GRM5: variants seen among roughly 807,000 people sequenced by gnomAD.
The protein encoded by GRM5 is metabotropic glutamate receptor 5.
In GRM5, 19 loss-of-function variants were observed where a neutral mutation model predicts 83.1. The ratio of observed to expected loss-of-function variants is 0.23; its 90% confidence interval spans 0.16 to 0.34. The LOEUF is 0.34. GRM5 is among the 10% of genes least tolerant of loss of function. The pLI, the probability that GRM5 is intolerant of heterozygous loss-of-function variation, is 1.00. For synonymous variants in GRM5, 675 were observed against 633.6 expected, an observed-to-expected ratio of 1.07 and a Z score of -0.98; for missense variants, 1,160 against 1,588.3, an observed-to-expected ratio of 0.73 and a Z score of 4.58.
chr11:88,869,995 G>A (rs927022402), intron 2 of GRM5, among the ~76,000 whole-genome samples: 13 of 151,368 alleles, frequency 8.6e-5, no homozygotes, highest in Non-Finnish European at 1.5e-4. Flanking sequence ...CTTTCTAATA[G>A]AAGTAAGAAA....
chr11:88,641,220 G>T (rs1939285125), intron 4 of GRM5, among the ~76,000 whole-genome samples: 1 of 151,978 alleles, frequency 6.6e-6, no homozygotes, highest in Admixed American at 6.6e-5. Context: ...ACAATAGCTA[G>T]ATCCTGTAAG....
chr11:88,828,549 C>A (rs1334714814), intron 3 of GRM5, among the ~76,000 whole-genome samples: 1 of 151,816 alleles, frequency 6.6e-6, no homozygotes, highest in African/African-American at 2.4e-5. Context: ...AATGTTATTT[C>A]TAAATAGTAA....
chr11:88,984,236 C>T (rs567419385), intron 2 of GRM5, among the ~76,000 whole-genome samples: 13 of 152,148 alleles, frequency 8.5e-5, no homozygotes, highest in African/African-American at 1.4e-4. Flanking sequence ...ATCTTTCAAG[C>T]TTCATTCATG....
intron 3 of GRM5, among the ~76,000 whole-genome samples, chr11:88,786,719 C>T (rs1943075149): frequency 6.6e-6 from 1 of 152,066 alleles, no homozygotes; most frequent in African/African-American, 2.4e-5. Flanking sequence ...TTCCCACAGA[C>T]ACTTTTTTGA....
chr11:88,726,961 C>T (rs557867551), intron 3 of GRM5, among the ~76,000 whole-genome samples: 1 of 152,194 alleles, frequency 6.6e-6, no homozygotes, highest in Non-Finnish European at 1.5e-5. Context: ...ACCATCAATA[C>T]TATGAAGAAA....
chr11:88,647,584 T>C (rs1005109811), intron 4 of GRM5, among the ~76,000 whole-genome samples: 2 of 152,110 alleles, frequency 1.3e-5, no homozygotes, highest in Non-Finnish European at 2.9e-5. Flanking sequence ...ATTCAGGACA[T>C]AGGCATGGGC....
At chr11:88,775,930 G>T (rs570746827) in intron 3 of GRM5, among the ~76,000 whole-genome samples, 5 of 152,206 alleles carry the variant, frequency 3.3e-5, no homozygotes, top group Non-Finnish European at 7.3e-5. Flanking sequence ...ATTTCGGGTA[G>T]AGAGTTCTGT....
intron 3 of GRM5, among the ~76,000 whole-genome samples, chr11:88,693,335 T>C (rs1213203245): frequency 1.3e-5 from 2 of 152,074 alleles, no homozygotes; most frequent in African/African-American, 4.8e-5. Flanking sequence ...AGTATGGAAA[T>C]ACAAAGTAGT....
At chr11:88,825,163 C>T (rs10501691) in intron 3 of GRM5, among the ~76,000 whole-genome samples, 3,847 of 151,190 alleles carry the variant, frequency 0.025, 173 homozygotes, top group African/African-American at 0.089. Context: ...GGCTATTTAA[C>T]TTATGCTAAG....
At chr11:89,035,498 G>A (rs1033320285) in intron 2 of GRM5, among the ~76,000 whole-genome samples, 2 of 151,908 alleles carry the variant, frequency 1.3e-5, no homozygotes, top group African/African-American at 4.8e-5. Flanking sequence ...CAAGCAATAT[G>A]AAGACAGTTT....
intron 3 of GRM5, among the ~76,000 whole-genome samples, chr11:88,692,425 C>T (rs1409994269): frequency 6.6e-6 from 1 of 152,146 alleles, no homozygotes; most frequent in Non-Finnish European, 1.5e-5. Context: ...TTATTAGCTA[C>T]AGAATAGCTT....
chr11:88,909,417 A>C (rs55680733), intron 2 of GRM5, among the ~76,000 whole-genome samples: 1 of 149,288 alleles, frequency 6.7e-6, no homozygotes, highest in Non-Finnish European at 1.5e-5. Context: ...GCCAAGGTAA[A>C]TCAATGGCCA....
intron 3 of GRM5, among the ~76,000 whole-genome samples, chr11:88,816,029 A>T (rs1232000079): frequency 7.0e-6 from 1 of 142,508 alleles, no homozygotes; most frequent in African/African-American, 2.8e-5. Flanking sequence ...CTGGCTAACA[A>T]GGTGAAACCC....
intron 8 of GRM5, among the ~76,000 whole-genome samples, chr11:88,547,199 A>T (rs1235817240): frequency 6.6e-6 from 1 of 152,182 alleles, no homozygotes; most frequent in Non-Finnish European, 1.5e-5. Flanking sequence ...GGAAGAAAGA[A>T]ACTATTACAA....
intron 2 of GRM5, among the ~76,000 whole-genome samples, chr11:89,033,114 C>G (rs1238795833): frequency 6.6e-6 from 1 of 151,972 alleles, no homozygotes; most frequent in Non-Finnish European, 1.5e-5. Context: ...ATCAGGCAGT[C>G]TTACACTTAC....
chr11:88,768,651 A>C (rs1942669466), intron 3 of GRM5, among the ~76,000 whole-genome samples: 1 of 151,954 alleles, frequency 6.6e-6, no homozygotes, highest in Admixed American at 6.6e-5. Flanking sequence ...GATAATTTAA[A>C]AATAGCCACA....
At chr11:88,990,588 A>G (rs2135046326) in intron 2 of GRM5, among the ~76,000 whole-genome samples, 1 of 149,782 alleles carries the variant, frequency 6.7e-6, no homozygotes, top group South Asian at 2.1e-4. Flanking sequence ...AATATCCTTG[A>G]TGAACATTGA....
At chr11:88,848,982 A>C (rs2135539020) in intron 3 of GRM5, among the ~76,000 whole-genome samples, 1 of 152,302 alleles carries the variant, frequency 6.6e-6, no homozygotes, top group Middle Eastern at 3.4e-3. Context: ...GGACTGAAAC[A>C]TTGGCTCATC....
At chr11:88,513,551 G>T (rs943018354) in intron 9 of GRM5, among the ~76,000 whole-genome samples, 2 of 151,984 alleles carry the variant, frequency 1.3e-5, no homozygotes, top group African/African-American at 4.8e-5. Flanking sequence ...CTTGATATCT[G>T]CCATGAAAAT....
Sources: gnomAD v4.1 joint callset for allele counts (sites outside exome capture counted in the v4.1 genomes callset) on GRCh38, gnomAD v4.1.1 for gene constraint, MANE v1.5 for transcripts, NCBI Gene and HGNC (gene_info 2026-07-23, HGNC 2026-07-21) for gene names.